The following GRIP1 variants were observed in gnomAD, a reference collection of about 807,000 sequenced individuals.
GRIP1 encodes glutamate receptor interacting protein 1, also known as glutamate receptor-interacting protein 1.
GRIP1 carries 45 observed loss-of-function variants against 129.9 expected under a neutral mutation model. The observed-to-expected ratio is 0.35, with a 90% CI of 0.27 to 0.44. The LOEUF (loss-of-function observed/expected upper bound fraction) is 0.44, where lower values mean the gene tolerates loss of function less well. Ranked by LOEUF, GRIP1 falls within the 20% of genes least tolerant of loss-of-function variation. The pLI, the probability that GRIP1 is intolerant of heterozygous loss-of-function variation, is 1.00. For missense variants in GRIP1, 1,196 were observed against 1,396.8 expected (o/e 0.86, Z 2.29); for synonymous variants, 530 against 520.8 (o/e 1.02, Z -0.24).
At chr12:66,788,025 G>A (rs2038409939) in intron 1 of GRIP1, among the ~76,000 whole-genome samples, 2 of 151,960 alleles carry the variant, frequency 1.3e-5, no homozygotes, top group African/African-American at 2.4e-5. Flanking sequence ...CAGGGGTGGG[G>A]AAGTGACCCA....
At chr12:66,456,065 G>T in intron 10 of GRIP1, 122 bp downstream of exon 10, 1 of 511,074 alleles carries the variant, frequency 2.0e-6, no homozygotes, top group Non-Finnish European at 3.4e-6. Context: ...TGTCAGAAAT[G>T]ATAAATTGCT....
intron 1 of GRIP1, among the ~76,000 whole-genome samples, chr12:66,972,094 GC>G: frequency 6.6e-6 from 1 of 152,198 alleles, no homozygotes; most frequent in East Asian, 1.9e-4. Context: ...GCTAGCATTT[GC>G]CATTAACCAG....
Position 66,383,759 on chromosome 12 carries a change from G to A in GRIP1, c.2465-4323C>T, listed in dbSNP as rs556048652. On this transcript the variant is annotated intron_variant, in intron 19 of 24. Coordinates refer to ENST00000359742, the MANE Select transcript of GRIP1 (RefSeq NM_001366722.1). Reference sequence around the variant, plus strand: ...ATTCTCTTCTTCGTCCTTAGTACCAGAATACCAGTTTCGGGGTGAGCAAAT... The same window carrying A: ...ATTCTCTTCTTCGTCCTTAGTACCAAAATACCAGTTTCGGGGTGAGCAAAT... Among the ~76,000 whole-genome samples the A allele has an allele frequency of 2.6e-5, 4 of 152,288 alleles. No individual in the cohort carries two copies. The East Asian group carries it at 5.8e-4, about 22-fold the overall frequency.
chr12:66,602,078 T>A (rs2064301466), intron 1 of GRIP1, among the ~76,000 whole-genome samples: 1 of 152,198 alleles, frequency 6.6e-6, no homozygotes, highest in Non-Finnish European at 1.5e-5. Flanking sequence ...TATGGTTTTT[T>A]AATCAGAAAA....
intron 1 of GRIP1, among the ~76,000 whole-genome samples, chr12:66,952,785 C>T (rs2041778669): frequency 6.6e-6 from 1 of 152,176 alleles, no homozygotes; most frequent in Non-Finnish European, 1.5e-5. Context: ...TCTCTATTTG[C>T]TGCTGGATGA....
chr12:67,021,445 T>C (rs932027209), intron 1 of GRIP1, among the ~76,000 whole-genome samples: 3 of 152,326 alleles, frequency 2.0e-5, no homozygotes, highest in East Asian at 3.9e-4. Context: ...TTGTATCATA[T>C]ATCAATAGTT....
chr12:66,659,724 C>A (rs1410259541), intron 1 of GRIP1, among the ~76,000 whole-genome samples: 1 of 152,102 alleles, frequency 6.6e-6, no homozygotes, highest in Non-Finnish European at 1.5e-5. Flanking sequence ...TAAACATGGA[C>A]ATTTTAAAGA....
At chr12:67,003,295 G>C (rs1320127891) in intron 1 of GRIP1, among the ~76,000 whole-genome samples, 1 of 152,100 alleles carries the variant, frequency 6.6e-6, no homozygotes, top group Non-Finnish European at 1.5e-5. Context: ...GTTGTACTTA[G>C]ACTATTATGT....
At chr12:66,511,398 C>G (rs1181609446) in intron 7 of GRIP1, among the ~76,000 whole-genome samples, 1 of 152,136 alleles carries the variant, frequency 6.6e-6, no homozygotes, top group Non-Finnish European at 1.5e-5. Context: ...AAAGGAAACT[C>G]TCATATACTA....
At chr12:66,513,980 T>C (rs11176240) in intron 7 of GRIP1, among the ~76,000 whole-genome samples, 28,800 of 152,140 alleles carry the variant, frequency 0.19, 2,945 homozygotes, top group East Asian at 0.32. Context: ...TGGTTCCTTC[T>C]AAGCCTTTGG....
intron 1 of GRIP1, among the ~76,000 whole-genome samples, chr12:66,744,963 G>T (rs946690730): frequency 2.0e-5 from 3 of 152,102 alleles, no homozygotes; most frequent in East Asian, 1.9e-4. Flanking sequence ...AATCATTCTG[G>T]TCCTATAAAA....
At chr12:66,785,014 T>A (rs2038276576) in intron 1 of GRIP1, among the ~76,000 whole-genome samples, 1 of 152,098 alleles carries the variant, frequency 6.6e-6, no homozygotes, top group African/African-American at 2.4e-5. Flanking sequence ...CTCTTTCTTA[T>A]CACATCTGAA....
intron 1 of GRIP1, among the ~76,000 whole-genome samples, chr12:66,767,341 A>C (rs2037672604): frequency 6.6e-6 from 1 of 152,174 alleles, no homozygotes; most frequent in Non-Finnish European, 1.5e-5. Context: ...AGCAGTTCTC[A>C]AAAGAAGCAT....
chr12:66,576,322 G>A (rs1341300321), intron 2 of GRIP1, among the ~76,000 whole-genome samples: 3 of 152,224 alleles, frequency 2.0e-5, no homozygotes, highest in Admixed American at 2.0e-4. Flanking sequence ...TGGGTAAAAG[G>A]CAAGATCTCT....
intron 2 of GRIP1, among the ~76,000 whole-genome samples, chr12:66,544,283 G>A (rs17102660): frequency 0.27 from 41,125 of 151,710 alleles, 5,737 homozygotes; most frequent in Middle Eastern, 0.33. Context: ...CCAGTTAATT[G>A]AGTAATTTGT....
At chr12:66,644,280 T>C (rs2032178977) in intron 1 of GRIP1, among the ~76,000 whole-genome samples, 1 of 152,186 alleles carries the variant, frequency 6.6e-6, no homozygotes, top group African/African-American at 2.4e-5. Context: ...GAGTACATAT[T>C]ACTCTGATGA....
chr12:67,036,561 C>A (rs2043098856), intron 1 of GRIP1, among the ~76,000 whole-genome samples: 1 of 151,964 alleles, frequency 6.6e-6, no homozygotes, highest in Non-Finnish European at 1.5e-5. Flanking sequence ...GAACTCCTGA[C>A]CTCAAGTGAT....
At chr12:66,423,009 G>C (rs1450020063) in intron 14 of GRIP1, among the ~76,000 whole-genome samples, 3 of 152,182 alleles carry the variant, frequency 2.0e-5, no homozygotes, top group Non-Finnish European at 2.9e-5. Flanking sequence ...CACAAACCAA[G>C]CATGCTTTGC....
At chr12:66,409,237 G>C (rs1359686181) in intron 15 of GRIP1, among the ~76,000 whole-genome samples, 3 of 152,164 alleles carry the variant, frequency 2.0e-5, no homozygotes, top group African/African-American at 7.2e-5. Context: ...TACCACGTTG[G>C]CTTCAGGTCT....
Sources: allele counts gnomAD v4.1 joint callset (sites outside exome capture counted in the v4.1 genomes callset), GRCh38; gene constraint gnomAD v4.1.1; transcripts MANE v1.5; gene names NCBI Gene and HGNC (gene_info 2026-07-23, HGNC 2026-07-21).